APBB1IP: variants seen among roughly 807,000 people sequenced by gnomAD.
APBB1IP encodes amyloid beta A4 precursor protein-binding family B member 1-interacting protein.
Under a neutral mutation model 64.9 loss-of-function variants are expected in APBB1IP, and 27 were observed. The ratio of observed to expected loss-of-function variants is 0.42; its 90% confidence interval spans 0.31 to 0.57. The LOEUF is 0.57. Among genes scored for constraint, APBB1IP ranks in the 20% least tolerant of loss-of-function variants. The pLI, the probability that APBB1IP is intolerant of heterozygous loss-of-function variation, is 0.20. For synonymous variants in APBB1IP, 392 were observed against 331.0 expected (o/e 1.18, Z -2.00); for missense variants, 812 against 845.5 (o/e 0.96, Z 0.49).
At chr10:26,557,411 G>A (rs1172837126) in intron 11 of APBB1IP, among the ~76,000 whole-genome samples, 1 of 152,260 alleles carries the variant, frequency 6.6e-6, no homozygotes, top group Non-Finnish European at 1.5e-5. Flanking sequence ...TGCAATTTCT[G>A]AGGCCGAGTG....
intron 11 of APBB1IP, 91 bp from the exon 12 acceptor site, chr10:26,560,014 G>A (rs1044823815): frequency 3.3e-5 from 35 of 1,051,684 alleles, no homozygotes; most frequent in Non-Finnish European, 4.7e-5. Context: ...CACATATATT[G>A]TTAGAGATTT....
At chr10:26,446,707 T>C (rs955224887) in intron 2 of APBB1IP, among the ~76,000 whole-genome samples, 1 of 152,072 alleles carries the variant, frequency 6.6e-6, no homozygotes, top group African/African-American at 2.4e-5. Context: ...GTAGCTAAAA[T>C]AGGATAAGAT....
rs1394050326 is a variant in APBB1IP, at chr10:26,567,000, G to A, written c.1513G>A (p.Val505Met). The stretch of plus-strand genomic sequence containing the variant: ...CCTCGGGAACCACCACGACCCGGCA[G>A]TGCCCCGGGCCCCGCACGCCCCCAA... ...PALGNHHDPA[V>M]PRAPHAPKSS... Residue 505 changes from valine to methionine, a missense_variant, in exon 15 of 15, where the codon GTG (valine) becomes ATG (methionine). By Grantham distance (21) the Val-to-Met change is conservative. This residue lies in a region of APBB1IP where 381 missense variants were observed against 352.1 expected (regional missense o/e 1.08). Transcript: ENST00000376236. 2 of 1,579,688 alleles carry A rather than the reference G, an allele frequency of 1.3e-6. No individual in the cohort carries two copies. The highest frequency in any genetic ancestry group is 1.1e-5 in the South Asian group (1 of 90,350).
At chr10:26,520,831 C>T (rs1037806369) in intron 8 of APBB1IP, among the ~76,000 whole-genome samples, 1 of 152,222 alleles carries the variant, frequency 6.6e-6, no homozygotes, top group African/African-American at 2.4e-5. Flanking sequence ...GTGAAAACCA[C>T]TTGCCACATT....
intron 2 of APBB1IP, among the ~76,000 whole-genome samples, chr10:26,460,388 C>CTAA (rs1224614864): frequency 6.6e-6 from 1 of 152,066 alleles, no homozygotes; most frequent in Non-Finnish European, 1.5e-5. Flanking sequence ...ACATTGACTC[C>CTAA]CCAGCAATGT....
At chr10:26,479,661 A>G (rs1002359550) in intron 2 of APBB1IP, among the ~76,000 whole-genome samples, 1 of 152,252 alleles carries the variant, frequency 6.6e-6, no homozygotes, top group Non-Finnish European at 1.5e-5. Flanking sequence ...TGTAATCTTT[A>G]TGATGATTAA....
At chr10:26,498,335 C>A (rs1836054458) in intron 4 of APBB1IP, among the ~76,000 whole-genome samples, 1 of 151,840 alleles carries the variant, frequency 6.6e-6, no homozygotes, top group South Asian at 2.1e-4. Flanking sequence ...ATGATGAAAC[C>A]CCATCTCTAC....
At chr10:26,553,070 G>A (rs1256796702) in intron 11 of APBB1IP, among the ~76,000 whole-genome samples, 3 of 151,988 alleles carry the variant, frequency 2.0e-5, no homozygotes, top group African/African-American at 7.2e-5. Context: ...CGCCCAGGCT[G>A]GAGTGCAGTG....
chr10:26,454,231 A>G lies in APBB1IP; in HGVS notation c.-1+15378A>G, dbSNP rs192353482. Among the ~76,000 whole-genome samples, 4 of 152,326 alleles carry G rather than the reference A, an allele frequency of 2.6e-5. No homozygotes were observed. The East Asian group carries it at 7.7e-4, about 29-fold the overall frequency. On this transcript the variant is annotated intron_variant, in intron 2 of 14. Coordinates refer to ENST00000376236, the MANE Select transcript of APBB1IP (RefSeq NM_019043.4). ...TGAGGCAGGTGAATCACTTGAGGTC[A>G]GGAATTCAAGACCAGCCTGGCCAAC...
At chr10:26,544,089 A>G (rs1192728777) in intron 11 of APBB1IP, among the ~76,000 whole-genome samples, 1 of 152,242 alleles carries the variant, frequency 6.6e-6, no homozygotes, top group African/African-American at 2.4e-5. Flanking sequence ...AGTGCGGCTC[A>G]GAGGCCGTTC....
chr10:26,532,419 T>C (rs1284988474), intron 8 of APBB1IP, among the ~76,000 whole-genome samples: 1 of 152,192 alleles, frequency 6.6e-6, no homozygotes, highest in Non-Finnish European at 1.5e-5. Flanking sequence ...ATCCAGAAAT[T>C]AATACAAACC....
chr10:26,523,180 C>G (rs1043697517), intron 8 of APBB1IP, among the ~76,000 whole-genome samples: 1 of 152,060 alleles, frequency 6.6e-6, no homozygotes, highest in African/African-American at 2.4e-5. Flanking sequence ...ATGTTGAGTA[C>G]TTTCTATATT....
chr10:26,438,851 G>T lies in APBB1IP; in HGVS notation c.-3G>T, dbSNP rs1027561350. 6 of 152,296 alleles carry T rather than the reference G, an allele frequency of 3.9e-5. No individual in the cohort carries two copies. The highest frequency in any genetic ancestry group is 7.3e-5 in the Non-Finnish European group (5 of 68,116). The allele number at this position is 152,296 out of a possible 1,614,324, so 9.4% of individuals were successfully genotyped here. On this transcript the variant is annotated splice_region_variant and 5_prime_UTR_variant, in exon 2 of 15. Transcript: ENST00000376236. ...CCCCGCAGCGCCCCGCAGAGCAGTC[G>T]AGGTAAGTGGCGCTCCCAGTCCCGG...
intron 2 of APBB1IP, among the ~76,000 whole-genome samples, chr10:26,444,635 C>T (rs1835372188): frequency 6.6e-6 from 1 of 152,000 alleles, no homozygotes; most frequent in Admixed American, 6.6e-5. Flanking sequence ...ATTAGAAGTT[C>T]AATTTTGGAT....
chr10:26,566,818 G>A (rs1331119747), intron 14 of APBB1IP, 143 bp from the exon 15 acceptor site: 1 of 899,668 alleles, frequency 1.1e-6, no homozygotes, highest in Non-Finnish European at 1.6e-6. Flanking sequence ...AGCTCGGGAG[G>A]TCGAGGCTGC....
At chr10:26,490,342 G>A (rs1835939543) in intron 2 of APBB1IP, among the ~76,000 whole-genome samples, 1 of 152,060 alleles carries the variant, frequency 6.6e-6, no homozygotes, top group Admixed American at 6.6e-5. Flanking sequence ...GTATCTTTAT[G>A]GGCCAGGCGT....
chr10:26,524,951 C>CTTTTTTTT (rs1322880718), intron 8 of APBB1IP, among the ~76,000 whole-genome samples: 1 of 43,158 alleles, frequency 2.3e-5, no homozygotes, highest in Non-Finnish European at 5.0e-5. Context: ...CTCTTTCTTT[C>CTTTTTTTT]TTTCTTTTTT....
intron 11 of APBB1IP, among the ~76,000 whole-genome samples, chr10:26,543,584 AGTG>A (rs1836724862): frequency 6.6e-6 from 1 of 151,994 alleles, no homozygotes; most frequent in Non-Finnish European, 1.5e-5. Context: ...CACCTGGAAT[AGTG>A]GTGGGAATGC....
chr10:26,454,390 A>C (rs1176477516), intron 2 of APBB1IP, among the ~76,000 whole-genome samples: 1 of 152,164 alleles, frequency 6.6e-6, no homozygotes, highest in Non-Finnish European at 1.5e-5. Context: ...GCAGGATTGC[A>C]GGACTTTATT....
Sources: gnomAD v4.1 joint callset for allele counts (sites outside exome capture counted in the v4.1 genomes callset) on GRCh38, gnomAD v4.1.1 for gene constraint, gnomAD v4.1.1 regional missense constraint, MANE v1.5 for transcripts, NCBI Gene and HGNC (gene_info 2026-07-23, HGNC 2026-07-21) for gene names.